The following ANK2 variants were observed in gnomAD, a reference collection of about 807,000 sequenced individuals.
The protein encoded by ANK2 is ankyrin-2.
In ANK2, 83 loss-of-function variants were observed where a neutral mutation model predicts 360.5. The ratio of observed to expected loss-of-function variants is 0.23; its 90% CI spans 0.19 to 0.28. ANK2 has a LOEUF of 0.28. Among genes scored for constraint, ANK2 ranks in the 10% least tolerant of loss-of-function variants. The pLI is 1.00. For synonymous variants in ANK2, 1,740 were observed against 1,759.5 expected (o/e 0.99, Z 0.28); for missense variants, 4,201 against 4,795.7 (o/e 0.88, Z 3.66).
At chr4:112,803,463 C>G in the ANK2 span, among the ~76,000 whole-genome samples, 4 of 151,864 alleles carry the variant, frequency 2.6e-5, no homozygotes, top group Non-Finnish European at 5.9e-5. Context: ...AAAATGGAAG[C>G]CTTGAAGACT....
At chr4:113,158,366 A>C (rs2097379771) in intron 1 of ANK2, among the ~76,000 whole-genome samples, 1 of 152,218 alleles carries the variant, frequency 6.6e-6, no homozygotes, top group Non-Finnish European at 1.5e-5. Context: ...CCATGATCAG[A>C]AGAGATGGCT....
intron 2 of ANK2, among the ~76,000 whole-genome samples, chr4:112,968,094 T>C (rs1046283840): frequency 6.6e-6 from 1 of 152,220 alleles, no homozygotes; most frequent in Non-Finnish European, 1.5e-5. Context: ...TGTGTAACTT[T>C]CAGAAGCATT....
At chr4:113,041,564 A>G (rs1344621030) in intron 2 of ANK2, among the ~76,000 whole-genome samples, 5 of 152,152 alleles carry the variant, frequency 3.3e-5, no homozygotes, top group Non-Finnish European at 5.9e-5. Context: ...CTTTTTAGCC[A>G]TATCACCAGT....
intron 1 of ANK2, among the ~76,000 whole-genome samples, chr4:113,060,678 GCTT>G (rs1224408218): frequency 1.3e-5 from 1 of 74,778 alleles, no homozygotes. Context: ...AATCTAAAAA[GCTT>G]TTTTTTTTTT....
intron 2 of ANK2, among the ~76,000 whole-genome samples, chr4:112,976,010 G>GA (rs1388282484): frequency 3.3e-5 from 5 of 152,058 alleles, no homozygotes; most frequent in African/African-American, 9.6e-5. Flanking sequence ...TTTTCAATTT[G>GA]AAAATTGAAT....
At chr4:113,277,020 C>T (rs2060479235) in intron 15 of ANK2, among the ~76,000 whole-genome samples, 1 of 152,162 alleles carries the variant, frequency 6.6e-6, no homozygotes, top group African/African-American at 2.4e-5. Flanking sequence ...TCCTCGAGAT[C>T]TTAGTCCAGA....
chr4:113,178,422 A>G (rs956130959), intron 2 of ANK2, among the ~76,000 whole-genome samples: 1 of 151,970 alleles, frequency 6.6e-6, no homozygotes, highest in Non-Finnish European at 1.5e-5. Context: ...ATACAAAAAA[A>G]TTAGCCGGGC....
rs61530543 is a variant in ANK2, at chr4:112,961,060, GTT to G, written c.21+56559_21+56560del. Among the ~76,000 whole-genome samples the G allele has an allele frequency of 5.5e-4, 77 of 139,460 alleles. No individual in the cohort carries two copies. In the East Asian group the frequency reaches 8.6e-3, roughly 16 times the overall value. 91.5% of individuals were successfully genotyped at this position (139,460 alleles called of 152,430 possible). A position where few individuals can be genotyped will look rare whatever the true frequency, so the allele number is the denominator to read the frequency against. ...GTTTTTGTAAACTATCTAAATAACTGTTTTTTTTTTTTTTGAAACTGGTGGGC... is the reference window on the plus strand; with the variant it reads ...GTTTTTGTAAACTATCTAAATAACTGTTTTTTTTTTTTGAAACTGGTGGGC... On this transcript the variant is annotated intron_variant, in intron 2 of 30. Transcript: ENST00000503271.
chr4:112,824,508 ATT>A (rs35575987), intron 1 of ANK2, among the ~76,000 whole-genome samples: 1,919 of 141,952 alleles, frequency 0.014, 17 homozygotes, highest in African/African-American at 0.026. Flanking sequence ...CACCTTTAGC[ATT>A]TTTTTTTTTT....
Position 113,341,932 on chromosome 4 carries a change from T to C in ANK2, c.4122+16T>C, listed in dbSNP as rs758032399. 3.9e-6 allele frequency: 6 copies of C among 1,539,274 alleles called. No individual in the cohort carries two copies. The Admixed American group carries it at 5.0e-5, about 13-fold the overall frequency. On this transcript the variant is annotated intron_variant, in intron 33 of 45. Transcript: ENST00000357077. ...GGATGTGGAGGTACTGTACCAAAAA[T>C]AATAATAATAATTTATGCCATGTTG...
rs1463816073 is a variant in ANK2, at chr4:113,343,067, A to C, written c.4173A>C (p.Pro1391=). ...IYVDCFGNLV[P]LTKSGQHHIF... is the part of the protein sequence containing the mutation. ...TTGATTGTTTCGGCAACTTGGTACC[A>C]TTAACTAAAAGTGGCCAGCATCATA... Residue 1391 remains proline, a synonymous_variant, in exon 34 of 46, where the codon CCA becomes CCC. Coordinates refer to ENST00000357077, the MANE Select transcript of ANK2 (RefSeq NM_001148.6). 6.2e-7 allele frequency: 1 copy of C among 1,613,964 alleles called. No individual in the cohort carries two copies. Among genetic ancestry groups the C allele is most frequent in the East Asian group, 2.2e-5 (1 of 44,846 alleles).
chr4:112,887,157 C>A (rs1291404632), intron 1 of ANK2, among the ~76,000 whole-genome samples: 1 of 152,146 alleles, frequency 6.6e-6, no homozygotes, highest in Non-Finnish European at 1.5e-5. Context: ...CTTTCCTTGG[C>A]TGAGGCCAAG....
intron 1 of ANK2, among the ~76,000 whole-genome samples, chr4:112,821,755 GT>G (rs1194745210): frequency 3.5e-5 from 5 of 144,548 alleles, no homozygotes; most frequent in African/African-American, 1.3e-4. Context: ...TATTTGGGTG[GT>G]TTTCTGAGTC....
intron 2 of ANK2, among the ~76,000 whole-genome samples, chr4:113,194,584 A>G (rs146085148): frequency 4.6e-5 from 7 of 152,308 alleles, no homozygotes; most frequent in Non-Finnish European, 8.8e-5. Context: ...ATTAATGTGC[A>G]CATGGTTGTT....
intron 2 of ANK2, among the ~76,000 whole-genome samples, chr4:113,185,111 G>A (rs1440938899): frequency 6.6e-6 from 1 of 152,162 alleles, no homozygotes; most frequent in Non-Finnish European, 1.5e-5. Flanking sequence ...ATCATTGATA[G>A]GCATTTGGGT....
chr4:112,972,366 C>A (rs766781173), intron 2 of ANK2, among the ~76,000 whole-genome samples: 1 of 152,022 alleles, frequency 6.6e-6, no homozygotes, highest in Non-Finnish European at 1.5e-5. Flanking sequence ...CTCAACAGGC[C>A]CCGGTGTGTG....
chr4:113,019,890 G>T (rs1167663855), intron 2 of ANK2, among the ~76,000 whole-genome samples: 2 of 151,692 alleles, frequency 1.3e-5, no homozygotes, highest in African/African-American at 4.8e-5. Flanking sequence ...GCTAGGAAGG[G>T]ATTACCTATT....
chr4:113,372,411 A>G, intron 43 of ANK2: 1 of 628,208 alleles, frequency 1.6e-6, no homozygotes, highest in Non-Finnish European at 2.8e-6. Flanking sequence ...ACCTCTACCA[A>G]CTTGTCCATC....
intron 13 of ANK2, among the ~76,000 whole-genome samples, chr4:113,259,735 T>C (rs564483262): frequency 1.3e-5 from 2 of 152,078 alleles, no homozygotes; most frequent in Non-Finnish European, 2.9e-5. Flanking sequence ...TAAGTTTAAT[T>C]TCTAGTCACT....
Sources: allele counts gnomAD v4.1 joint callset (sites outside exome capture counted in the v4.1 genomes callset), GRCh38; gene constraint gnomAD v4.1.1; transcripts MANE v1.5; gene names NCBI Gene and HGNC (gene_info 2026-07-23, HGNC 2026-07-21).